The following DENND2A variants were observed in gnomAD, a reference collection of about 807,000 sequenced individuals.
DENND2A encodes the protein DENN domain containing 2A.
A neutral mutation model predicts 105.3 loss-of-function variants in DENND2A; 53 were observed. The ratio of observed to expected loss-of-function variants is 0.50; its 90% CI spans 0.40 to 0.63. The LOEUF (loss-of-function observed/expected upper bound fraction) is 0.63, where lower values mean the gene tolerates loss of function less well. Ranked by LOEUF, DENND2A falls within the 30% of genes least tolerant of loss-of-function variation. The pLI, the probability that DENND2A is intolerant of heterozygous loss-of-function variation, is 0.00. For missense variants in DENND2A, 1,138 were observed against 1,279.6 expected, an observed-to-expected ratio of 0.89 and a Z score of 1.69; for synonymous variants, 522 against 508.4, an observed-to-expected ratio of 1.03 and a Z score of -0.36.
intron 5 of DENND2A, among the ~76,000 whole-genome samples, chr7:140,582,403 G>C (rs1798583076): frequency 6.6e-6 from 1 of 152,164 alleles, no homozygotes; most frequent in Non-Finnish European, 1.5e-5. Context: ...TCTCTGCCAT[G>C]GGAAATGAAG....
intron 12 of DENND2A, among the ~76,000 whole-genome samples, chr7:140,547,150 T>A (rs938703823): frequency 2.0e-5 from 3 of 152,234 alleles, no homozygotes; most frequent in African/African-American, 7.2e-5. Flanking sequence ...CCATGCAATG[T>A]TGCAGCTCCT....
chr7:140,630,137 G>A (rs1013614236), intron 1 of DENND2A, among the ~76,000 whole-genome samples: 1 of 151,416 alleles, frequency 6.6e-6, no homozygotes, highest in Admixed American at 6.6e-5. Context: ...TTAAGACAGG[G>A]TCTCACTCTG....
chr7:140,627,718 G>C (rs901179512), intron 1 of DENND2A, among the ~76,000 whole-genome samples: 3 of 151,398 alleles, frequency 2.0e-5, no homozygotes, highest in Non-Finnish European at 4.4e-5. Context: ...ATAGAAACAG[G>C]GTTTTGATTT....
intron 2 of DENND2A, 113 bp from the exon 3 acceptor site, chr7:140,602,655 T>C (rs573928358): frequency 6.2e-5 from 20 of 320,278 alleles, no homozygotes; most frequent in Non-Finnish European, 9.5e-5. Flanking sequence ...ACCACAAACA[T>C]TGAAATTCCT....
Position 140,559,678 on chromosome 7 carries a change from G to C in DENND2A, c.1889+30C>G. On this transcript the variant is annotated intron_variant, in intron 10 of 19. Coordinates refer to ENST00000496613, the MANE Select transcript of DENND2A (RefSeq NM_015689.5). The surrounding 1 kb of genome is among the most constrained non-coding windows in gnomAD (Gnocchi z 4.1). ...TCTCTAAGTCTCGCCTTAGTCTTTGGGGCTGCGAAGGGGAGAAGCCAGCTC... is the reference window on the plus strand; with the variant it reads ...TCTCTAAGTCTCGCCTTAGTCTTTGCGGCTGCGAAGGGGAGAAGCCAGCTC... The C allele has an allele frequency of 6.5e-7, 1 of 1,531,224 alleles. No homozygotes were observed. The highest frequency in any genetic ancestry group is 9.0e-7 in the Non-Finnish European group (1 of 1,105,418). 94.9% of individuals were successfully genotyped at this position (1,531,224 alleles called of 1,614,324 possible). A position where few individuals can be genotyped will look rare whatever the true frequency, so the allele number is the denominator to read the frequency against.
intron 5 of DENND2A, among the ~76,000 whole-genome samples, chr7:140,583,790 G>C (rs955157803): frequency 6.7e-6 from 1 of 149,210 alleles, no homozygotes; most frequent in Non-Finnish European, 1.5e-5. Flanking sequence ...GCCAGGCGTG[G>C]TGGCGGGCGC....
chr7:140,604,239 C>G (rs1799616507), intron 2 of DENND2A, among the ~76,000 whole-genome samples: 1 of 152,194 alleles, frequency 6.6e-6, no homozygotes, highest in Non-Finnish European at 1.5e-5. Flanking sequence ...CTTTCTATTC[C>G]CAAGGTTGTT....
rs1349201246 is a variant in DENND2A, at chr7:140,640,135, A to C, written c.-248+369T>G. Reference sequence around the variant, plus strand: ...CACACACTCGCACAGACACACTCACACACAGACACACAAGCGCGCACACAC... The same window carrying C: ...CACACACTCGCACAGACACACTCACCCACAGACACACAAGCGCGCACACAC... On this transcript the variant is annotated intron_variant, in intron 1 of 19. Coordinates refer to ENST00000496613, the MANE Select transcript of DENND2A (RefSeq NM_015689.5). This position sits in a 1 kb window ranked among gnomAD's most constrained non-coding sequence, Gnocchi z 4.9. 6.5e-6 allele frequency: 1 copy of C among 152,748 alleles called. No homozygotes were observed. The highest frequency in any genetic ancestry group is 1.5e-5 in the Non-Finnish European group (1 of 68,722). 9.5% of individuals were successfully genotyped at this position (152,748 alleles called of 1,614,324 possible).
At chr7:140,588,090 TAG>T (rs1798862239) in intron 3 of DENND2A, among the ~76,000 whole-genome samples, 2 of 152,134 alleles carry the variant, frequency 1.3e-5, no homozygotes, top group Admixed American at 1.3e-4. Context: ...TTTGTATTTT[TAG>T]TAGAGACAAA....
chr7:140,627,493 T>C (rs1469587544), intron 1 of DENND2A, among the ~76,000 whole-genome samples: 1 of 151,408 alleles, frequency 6.6e-6, no homozygotes, highest in Non-Finnish European at 1.5e-5. Context: ...TATGAGTCAC[T>C]GCACCCGGCC....
chr7:140,601,802 G>A lies in DENND2A; in HGVS notation c.596C>T (p.Ser199Phe). 1.1e-5 allele frequency: 18 copies of A among 1,614,110 alleles called. No homozygotes were observed. Among genetic ancestry groups the A allele is most frequent in the Non-Finnish European group, 1.5e-5 (18 of 1,180,014 alleles). ...HCPPDKAEAG[S>F]TLPENLGGGS... ...GCCTCCCAGGTTCTCAGGAAGGGTG[G>A]ACCCTGCCTCTGCCTTGTCAGGAGG... The change falls in exon 3 of 20, where the codon TCC (serine) becomes TTC (phenylalanine). Residue 199 changes from serine (S) to phenylalanine (F), a missense_variant. Transcript: ENST00000496613.
chr7:140,555,143 T>G (rs1231389802), intron 12 of DENND2A, among the ~76,000 whole-genome samples: 1 of 151,528 alleles, frequency 6.6e-6, no homozygotes, highest in Non-Finnish European at 1.5e-5. Context: ...CTCTTTTTTT[T>G]TTTTTTTTGA....
intron 13 of DENND2A, 100 bp from the exon 14 acceptor site, chr7:140,544,866 G>A (rs955702457): frequency 4.7e-6 from 7 of 1,491,182 alleles, no homozygotes; most frequent in East Asian, 2.5e-5. Context: ...CTCATCAGGG[G>A]TGACCCACTG....
chr7:140,520,843 G>A (rs566638235), intron 18 of DENND2A, among the ~76,000 whole-genome samples: 4 of 150,958 alleles, frequency 2.6e-5, no homozygotes, highest in Non-Finnish European at 4.4e-5. Flanking sequence ...ACAGGCGCGC[G>A]CCACAGCGCC....
intron 12 of DENND2A, among the ~76,000 whole-genome samples, chr7:140,555,220 G>A (rs1052921487): frequency 3.3e-4 from 49 of 149,786 alleles, no homozygotes; most frequent in African/African-American, 1.0e-3. Flanking sequence ...TGCAACCTCC[G>A]CCTCCCGGGT....
chr7:140,523,466 C>G lies in DENND2A; in HGVS notation c.2548-42G>C. The G allele has an allele frequency of 6.3e-7, 1 of 1,582,768 alleles. No individual in the cohort carries two copies. On this transcript the variant is annotated intron_variant, in intron 16 of 19. Transcript: ENST00000496613. This position sits in a 1 kb window ranked among gnomAD's most constrained non-coding sequence, Gnocchi z 4.5. ...GCAGGTGGGCTTATGGGCACGGTGGCTGCGTCTTGGCCATAGGACACACTG... is the reference window on the plus strand; with the variant it reads ...GCAGGTGGGCTTATGGGCACGGTGGGTGCGTCTTGGCCATAGGACACACTG...
At chr7:140,548,296 T>TAAA (rs34963245) in intron 12 of DENND2A, among the ~76,000 whole-genome samples, 4 of 136,780 alleles carry the variant, frequency 2.9e-5, no homozygotes, top group Admixed American at 7.3e-5. Flanking sequence ...ACTAAAAAAC[T>TAAA]AAAAAAAAAA....
At chr7:140,615,943 G>C (rs1222656205) in intron 1 of DENND2A, among the ~76,000 whole-genome samples, 1 of 152,130 alleles carries the variant, frequency 6.6e-6, no homozygotes, top group Admixed American at 6.6e-5. Context: ...ACAGTATTCA[G>C]CCATAAAAAG....
chr7:140,542,668 G>A (rs1227654251), intron 14 of DENND2A, among the ~76,000 whole-genome samples: 3 of 147,604 alleles, frequency 2.0e-5, no homozygotes, highest in Non-Finnish European at 3.0e-5. Context: ...GGGTTCAAAC[G>A]ATTCTTCTTC....
Sources: gnomAD v4.1 joint callset for allele counts (sites outside exome capture counted in the v4.1 genomes callset) on GRCh38, gnomAD v4.1.1 for gene constraint, Gnocchi (gnomAD v3.1) non-coding constraint, MANE v1.5 for transcripts, NCBI Gene and HGNC (gene_info 2026-07-23, HGNC 2026-07-21) for gene names.